XKRX: variants seen among roughly 807,000 people sequenced by gnomAD.
XKRX encodes XK-related protein 2.
In XKRX, 11 loss-of-function variants were observed where a neutral mutation model predicts 22.4. The ratio of observed to expected loss-of-function variants is 0.49; its 90% CI spans 0.31 to 0.81. The LOEUF is 0.81. Among genes scored for constraint, XKRX ranks in the 40% least tolerant of loss-of-function variants. The probability of loss-of-function intolerance (pLI) is 0.05; values close to 1 mark genes in which losing one functional copy is unlikely to be tolerated. For missense variants in XKRX, 320 were observed against 336.5 expected, an observed-to-expected ratio of 0.95 and a Z score of 0.38; for synonymous variants, 114 against 132.2, an observed-to-expected ratio of 0.86 and a Z score of 0.94.
At chrX:100,891,210 A>G in the XKRX span, among the ~76,000 whole-genome samples, 2 of 111,454 alleles carry the variant, frequency 1.8e-5, no homozygotes, top group Non-Finnish European at 3.8e-5. Flanking sequence ...AGATCGTGCT[A>G]TTTGCTAGGT....
At chrX:100,955,488 C>A in the XKRX span, among the ~76,000 whole-genome samples, 1 of 111,193 alleles carries the variant, frequency 9.0e-6, no homozygotes, top group Non-Finnish European at 1.9e-5. Flanking sequence ...GCCTGGCCAA[C>A]ATGGTGAAAC....
At chrX:100,936,131 A>C in the XKRX span, among the ~76,000 whole-genome samples, 2 of 111,523 alleles carry the variant, frequency 1.8e-5, no homozygotes, top group Non-Finnish European at 3.8e-5. Flanking sequence ...TAGCCAGTCA[A>C]TTTCTGTTGC....
chrX:100,949,827 A>C, the XKRX span, among the ~76,000 whole-genome samples: 1 of 112,442 alleles, frequency 8.9e-6, no homozygotes, highest in Non-Finnish European at 1.9e-5. Context: ...TGATCTGACA[A>C]GGATTTTAAA....
chrX:100,900,822 T>C, the XKRX span, among the ~76,000 whole-genome samples: 147 of 100,660 alleles, frequency 1.5e-3, no homozygotes, highest in African/African-American at 3.7e-3. Flanking sequence ...CAGAGTCTTG[T>C]TCTGTCGCCT....
At chrX:100,901,901 A>C in the XKRX span, among the ~76,000 whole-genome samples, 1 of 110,781 alleles carries the variant, frequency 9.0e-6, no homozygotes, top group Non-Finnish European at 1.9e-5. Flanking sequence ...TGGGAGGCTG[A>C]GGCAGGAGAA....
chrX:100,954,448 C>A, the XKRX span, among the ~76,000 whole-genome samples: 1 of 109,771 alleles, frequency 9.1e-6, no homozygotes, highest in Non-Finnish European at 1.9e-5. Context: ...AAAATTGGAA[C>A]CTACATACAT....
At chrX:100,926,743 T>C (rs1007219967) in intron 1 of XKRX, among the ~76,000 whole-genome samples, 10 of 112,032 alleles carry the variant, frequency 8.9e-5, no homozygotes, top group Admixed American at 8.6e-4. Context: ...TAGGATTAAG[T>C]GCATTCTTTC....
At chrX:100,910,799 G>A (rs1304887865), downstream of XKRX, 17 of 774,713 alleles carry the variant, frequency 2.2e-5, no homozygotes, top group Non-Finnish European at 3.2e-5. Flanking sequence ...AAGGAAAGTC[G>A]AGAGGCTACG....
At chrX:100,905,262 T>C in the XKRX span, among the ~76,000 whole-genome samples, 1 of 111,755 alleles carries the variant, frequency 8.9e-6, no homozygotes, top group African/African-American at 3.3e-5. Flanking sequence ...AAAATGAATC[T>C]ATATTAATGA....
the XKRX span, among the ~76,000 whole-genome samples, chrX:100,950,798 G>A: frequency 1.8e-5 from 2 of 112,003 alleles, no homozygotes; most frequent in African/African-American, 3.2e-5. Flanking sequence ...TATACCATAG[G>A]TCAAAGAAGA....
At chrX:100,896,397 T>C in the XKRX span, among the ~76,000 whole-genome samples, 1 of 111,890 alleles carries the variant, frequency 8.9e-6, no homozygotes, top group African/African-American at 3.2e-5. Flanking sequence ...TATATTCACA[T>C]GGAATGATCT....
chrX:100,931,157 A>T (rs1196926755), upstream of XKRX, among the ~76,000 whole-genome samples: 1 of 109,475 alleles, frequency 9.1e-6, no homozygotes, highest in Non-Finnish European at 1.9e-5. Flanking sequence ...TAAAAATAAA[A>T]AAAAAAAAAA....
intron 1 of XKRX, among the ~76,000 whole-genome samples, chrX:100,926,967 T>C (rs1271586982): frequency 9.0e-6 from 1 of 111,368 alleles, no homozygotes; most frequent in Non-Finnish European, 1.9e-5. Context: ...TAAAATAGTT[T>C]CCAGATGTCA....
chrX:100,957,353 T>G, the XKRX span: 1 of 1,188,877 alleles, frequency 8.4e-7, no homozygotes, highest in East Asian at 3.0e-5. Context: ...TTACTGGTCT[T>G]TTCCACCTCT....
At chrX:100,937,282 C>T in the XKRX span, among the ~76,000 whole-genome samples, 5 of 111,400 alleles carry the variant, frequency 4.5e-5, no homozygotes, top group East Asian at 2.8e-4. Flanking sequence ...TAAGCCACCG[C>T]GCCCGGCCAC....
At chrX:100,948,086 T>C in the XKRX span, among the ~76,000 whole-genome samples, 1 of 35,125 alleles carries the variant, frequency 2.8e-5, no homozygotes, top group Non-Finnish European at 5.4e-5. Flanking sequence ...TATTTTTTTT[T>C]TGGAGGGACA....
At chrX:100,889,251 A>G in the XKRX span, among the ~76,000 whole-genome samples, 1 of 108,128 alleles carries the variant, frequency 9.2e-6, no homozygotes, top group Non-Finnish European at 1.9e-5. Context: ...AAAAAAAAAA[A>G]AAAAGAAAAA....
At chrX:100,952,452 G>T in the XKRX span, among the ~76,000 whole-genome samples, 1 of 110,142 alleles carries the variant, frequency 9.1e-6, no homozygotes, top group Non-Finnish European at 1.9e-5. Flanking sequence ...AGAAAAAAAG[G>T]CAAGAATGTG....
chrX:100,933,810 T>C (rs899584496), upstream of XKRX, among the ~76,000 whole-genome samples: 1 of 111,862 alleles, frequency 8.9e-6, no homozygotes, highest in African/African-American at 3.2e-5. Context: ...TCTATTTATA[T>C]TGCCTGGTGG....
Sources: gnomAD v4.1 joint callset for allele counts (sites outside exome capture counted in the v4.1 genomes callset) on GRCh38, gnomAD v4.1.1 for gene constraint, MANE v1.5 for transcripts, NCBI Gene and HGNC (gene_info 2026-07-23, HGNC 2026-07-21) for gene names.